Variants in RBM38 observed in about 807,000 individuals in gnomAD.
The protein encoded by RBM38 is RNA binding motif protein 38.
A neutral mutation model predicts 23.5 loss-of-function variants in RBM38; 11 were observed. The observed-to-expected ratio is 0.47, with a 90% confidence interval of 0.29 to 0.77. The LOEUF (loss-of-function observed/expected upper bound fraction) is 0.77, where lower values mean the gene tolerates loss of function less well. Among genes scored for constraint, RBM38 ranks in the 30% least tolerant of loss-of-function variants. The pLI, the probability that RBM38 is intolerant of heterozygous loss-of-function variation, is 0.08. For synonymous variants in RBM38, 165 were observed against 166.1 expected (o/e 0.99, Z 0.05); for missense variants, 330 against 351.9 (o/e 0.94, Z 0.50).
chr20:57,405,937 G>T (rs1042303543), intron 3 of RBM38, among the ~76,000 whole-genome samples: 8 of 152,238 alleles, frequency 5.3e-5, no homozygotes, highest in Non-Finnish European at 1.0e-4. Flanking sequence ...CCTGCCGAAC[G>T]CAGGAGAATG....
chr20:57,404,006 A>G (rs2067355658), intron 3 of RBM38, among the ~76,000 whole-genome samples: 1 of 152,234 alleles, frequency 6.6e-6, no homozygotes, highest in Non-Finnish European at 1.5e-5. Flanking sequence ...AGTGTCTGCA[A>G]GGGTCAGGAA....
intron 3 of RBM38, among the ~76,000 whole-genome samples, chr20:57,403,746 C>T (rs757124922): frequency 1.3e-5 from 2 of 152,190 alleles, no homozygotes; most frequent in African/African-American, 4.8e-5. Context: ...CTCAGCCTCC[C>T]GAGTAACTGG....
In RBM38 at chr20:57,407,521, CCTG is replaced by C; in HGVS notation, c.417-19_417-17del. Reference sequence around the variant, plus strand: ...TTCCCCAACTCCGTTCTGGCCCTAACCTGCTCTGCTTGGCCCCACAGGCTGACC... The same window carrying C: ...TTCCCCAACTCCGTTCTGGCCCTAACCTCTGCTTGGCCCCACAGGCTGACC... On this transcript the variant is annotated intron_variant, in intron 3 of 3. Coordinates refer to ENST00000356208, the MANE Select transcript of RBM38 (RefSeq NM_017495.6). This position sits in a 1 kb window ranked among gnomAD's most constrained non-coding sequence, Gnocchi z 4.0. The C allele has an allele frequency of 6.2e-7, 1 of 1,610,482 alleles. No individual in the cohort carries two copies. Among genetic ancestry groups the C allele is most frequent in the South Asian group, 1.1e-5 (1 of 90,836 alleles).
intron 1 of RBM38, 193 bp from the exon 2 acceptor site, chr20:57,392,461 A>G (rs965837256): frequency 5.9e-5 from 91 of 1,532,868 alleles, no homozygotes; most frequent in Non-Finnish European, 7.6e-5. Flanking sequence ...AGGAGCTGGA[A>G]TCCAGGAGGC....
chr20:57,408,090 C>T lies in RBM38; in HGVS notation c.*244C>T, dbSNP rs1234300403. On this transcript the variant is annotated 3_prime_UTR_variant, in exon 4 of 4. Coordinates refer to ENST00000356208, the MANE Select transcript of RBM38 (RefSeq NM_017495.6). ...AGAATGACTGAGAACTATTTAAAGACGCAATCCCAGGTTCCTTGCACACCA... is the reference window on the plus strand; with the variant it reads ...AGAATGACTGAGAACTATTTAAAGATGCAATCCCAGGTTCCTTGCACACCA... The T allele has an allele frequency of 2.1e-5, 12 of 577,452 alleles. No homozygotes were observed. The highest frequency in any genetic ancestry group is 3.1e-5 in the Non-Finnish European group (10 of 324,542). The allele number at this position is 577,452 out of a possible 1,614,324, so 35.8% of individuals were successfully genotyped here.
chr20:57,396,718 G>A (rs1301099193), intron 3 of RBM38, among the ~76,000 whole-genome samples: 3 of 152,180 alleles, frequency 2.0e-5, no homozygotes, highest in Admixed American at 1.3e-4. Flanking sequence ...CCCAAGTCAT[G>A]ACTACCAAAA....
chr20:57,398,610 C>A (rs555757517), intron 3 of RBM38, among the ~76,000 whole-genome samples: 2 of 152,274 alleles, frequency 1.3e-5, no homozygotes, highest in Admixed American at 1.3e-4. Flanking sequence ...TGGGCTGCAC[C>A]GTGGCCCTCC....
chr20:57,402,250 C>A (rs1373080369), intron 3 of RBM38, among the ~76,000 whole-genome samples: 1 of 152,216 alleles, frequency 6.6e-6, no homozygotes, highest in African/African-American at 2.4e-5. Flanking sequence ...TTTAAGACAG[C>A]TCCAACTGCT....
intron 3 of RBM38, among the ~76,000 whole-genome samples, chr20:57,405,957 ATGT>A (rs1179125825): frequency 1.3e-5 from 2 of 152,304 alleles, no homozygotes; most frequent in Non-Finnish European, 2.9e-5. Context: ...GCAGGGAAGG[ATGT>A]TGTACTTTTT....
At chr20:57,399,449 G>A (rs995934142) in intron 3 of RBM38, among the ~76,000 whole-genome samples, 1 of 152,222 alleles carries the variant, frequency 6.6e-6, no homozygotes. Flanking sequence ...GAGATTCTGG[G>A]TGTCTATTTT....
At chr20:57,403,355 C>T (rs2067348588) in intron 3 of RBM38, among the ~76,000 whole-genome samples, 1 of 152,210 alleles carries the variant, frequency 6.6e-6, no homozygotes, top group Non-Finnish European at 1.5e-5. Context: ...TGCTGGAACC[C>T]AGCTCCTGCC....
intron 3 of RBM38, among the ~76,000 whole-genome samples, chr20:57,394,712 A>ATTC (rs2067256997): frequency 6.6e-6 from 1 of 152,104 alleles, no homozygotes; most frequent in African/African-American, 2.4e-5. Context: ...CTTCACCGAG[A>ATTC]TTCTTCCTAT....
intron 3 of RBM38, among the ~76,000 whole-genome samples, chr20:57,406,212 G>A (rs570886526): frequency 9.8e-5 from 15 of 152,326 alleles, no homozygotes; most frequent in East Asian, 7.7e-4. Flanking sequence ...GAGGCTTAGC[G>A]GCTTGCCCCA....
rs2067397800 is a variant in RBM38 at position 57,407,455 on chromosome 20, G to T, written c.417-88G>T. 1.4e-6 allele frequency: 2 copies of T among 1,415,444 alleles called. No homozygotes were observed. The highest frequency in any genetic ancestry group is 1.9e-6 in the Non-Finnish European group (2 of 1,037,298). The allele number at this position is 1,415,444 out of a possible 1,614,324, so 87.7% of individuals were successfully genotyped here. On this transcript the variant is annotated intron_variant, in intron 3 of 3. Coordinates refer to ENST00000356208, the MANE Select transcript of RBM38 (RefSeq NM_017495.6). The surrounding 1 kb of genome is among the most constrained non-coding windows in gnomAD (Gnocchi z 4.0). ...GAGGAAAGTCGGGGCTCGGGGTGGG[G>T]GGCGGCACGCATCGTGTACCCCACT...
At chr20:57,406,594 C>G (rs1854140971) in intron 3 of RBM38, among the ~76,000 whole-genome samples, 1 of 152,234 alleles carries the variant, frequency 6.6e-6, no homozygotes, top group Non-Finnish European at 1.5e-5. Context: ...GCCATCATCT[C>G]TGTGGTCACC....
rs1378512522 is a variant in RBM38 at position 57,393,456 on chromosome 20, C to T, written c.416+123C>T. On this transcript the variant is annotated intron_variant, in intron 3 of 3. Transcript: ENST00000356208. ...TTTCAGACATTTGATTGCGTTTAAG[C>T]CAAGGGAGTGAAGAGAAGGCAGATT... The T allele has an allele frequency of 3.7e-6, 4 of 1,093,264 alleles. No homozygotes were observed. In the Admixed American group the frequency reaches 6.9e-5, roughly 19 times the overall value. The allele number at this position is 1,093,264 out of a possible 1,614,324, so 67.7% of individuals were successfully genotyped here. A position where few individuals can be genotyped will look rare whatever the true frequency, so the allele number is the denominator to read the frequency against.
intron 3 of RBM38, among the ~76,000 whole-genome samples, chr20:57,396,089 C>T (rs74324013): frequency 0.027 from 4,136 of 152,354 alleles, 96 homozygotes; most frequent in Non-Finnish European, 0.038. Flanking sequence ...ATCTTCTTCG[C>T]CTGGCTGGGT....
chr20:57,392,173 G>C, intron 1 of RBM38: 1 of 308,854 alleles, frequency 3.2e-6, no homozygotes, highest in South Asian at 2.6e-5. Flanking sequence ...CCACCCCGGG[G>C]TGTTAGGAGC....
chr20:57,397,886 C>A (rs765983527), intron 3 of RBM38, among the ~76,000 whole-genome samples: 1 of 152,270 alleles, frequency 6.6e-6, no homozygotes, highest in East Asian at 1.9e-4. Context: ...AGGAAGCTGG[C>A]GGAATGAGTG....
Sources: gnomAD v4.1 joint callset for allele counts (sites outside exome capture counted in the v4.1 genomes callset) on GRCh38, gnomAD v4.1.1 for gene constraint, Gnocchi (gnomAD v3.1) non-coding constraint, MANE v1.5 for transcripts, NCBI Gene and HGNC (gene_info 2026-07-23, HGNC 2026-07-21) for gene names.